The following MEIS1 variants were observed in gnomAD, a reference collection of about 807,000 sequenced individuals.
MEIS1 encodes the protein Meis homeobox 1.
A neutral mutation model predicts 50.8 loss-of-function variants in MEIS1; 5 were observed. The observed-to-expected ratio is 0.10, with a 90% CI of 0.05 to 0.21. MEIS1 has a LOEUF of 0.21. Ranked by LOEUF, MEIS1 falls within the 10% of genes least tolerant of loss-of-function variation. The pLI is 1.00. For missense variants in MEIS1, 318 were observed against 517.3 expected (o/e 0.61, Z 3.74); for synonymous variants, 176 against 179.3 (o/e 0.98, Z 0.15).
intron 8 of MEIS1, among the ~76,000 whole-genome samples, chr2:66,523,524 A>G (rs1197351774): frequency 6.6e-6 from 1 of 152,270 alleles, no homozygotes; most frequent in African/African-American, 2.4e-5. Context: ...TGTTCCCACA[A>G]GGAAACATCT....
At chr2:66,463,300 T>A (rs142357360) in intron 6 of MEIS1, among the ~76,000 whole-genome samples, 1 of 152,194 alleles carries the variant, frequency 6.6e-6, no homozygotes, top group African/African-American at 2.4e-5. Flanking sequence ...CTGTGCAGGA[T>A]GACCAGTGAC....
intron 8 of MEIS1, among the ~76,000 whole-genome samples, chr2:66,540,904 G>T (rs563674071): frequency 5.9e-5 from 9 of 151,950 alleles, no homozygotes; most frequent in African/African-American, 2.2e-4. Context: ...AAAGGACTAT[G>T]CAGTTTCTTA....
chr2:66,436,949 T>A, intron 1 of MEIS1: 2 of 984,714 alleles, frequency 2.0e-6, no homozygotes, highest in Non-Finnish European at 2.4e-6. Context: ...ACCTGGTGAG[T>A]AACATTTGCC....
chr2:66,554,636 C>G (rs938097849), intron 9 of MEIS1, among the ~76,000 whole-genome samples: 2 of 152,170 alleles, frequency 1.3e-5, no homozygotes, highest in Non-Finnish European at 2.9e-5. Context: ...TTAAAATGGA[C>G]AAGTAGGACG....
At chr2:66,437,594 A>C (rs1181972371) in intron 1 of MEIS1, 143 bp from the exon 2 acceptor site, 1 of 677,482 alleles carries the variant, frequency 1.5e-6, no homozygotes, top group Non-Finnish European at 2.6e-6. Context: ...AATAAGAAAA[A>C]CTCAGCTTTA....
rs536236856 is a variant in MEIS1, at chr2:66,447,009, GC to G, written c.630+3962del. ...ACAGAAAACGCCCTCCTCCGAAGAA[GC>G]GGGGGAAATTCTTGCAAGGGAGATT... is the stretch of plus-strand genomic sequence containing the variant. On this transcript the variant is annotated intron_variant, in intron 6 of 12. Coordinates refer to ENST00000272369, the MANE Select transcript of MEIS1 (RefSeq NM_002398.3). 3.3e-5 allele frequency among the ~76,000 whole-genome samples: 5 copies of G among 152,350 alleles called. No individual in the cohort carries two copies. The East Asian group carries it at 9.6e-4, about 29-fold the overall frequency.
At chr2:66,546,016 C>T (rs189645029) in intron 8 of MEIS1, among the ~76,000 whole-genome samples, 1 of 152,198 alleles carries the variant, frequency 6.6e-6, no homozygotes, top group East Asian at 1.9e-4. Flanking sequence ...TCTGTTATGT[C>T]CCAGTCTGGG....
chr2:66,446,225 GGGT>G (rs1672141686), intron 6 of MEIS1, among the ~76,000 whole-genome samples: 1 of 152,198 alleles, frequency 6.6e-6, no homozygotes, highest in Non-Finnish European at 1.5e-5. Flanking sequence ...AGGGGCCCTT[GGGT>G]GGATTAGGGG....
intron 8 of MEIS1, among the ~76,000 whole-genome samples, chr2:66,515,027 T>C (rs918456432): frequency 1.3e-5 from 2 of 152,210 alleles, no homozygotes; most frequent in Non-Finnish European, 2.9e-5. Context: ...TTTCAAGTTC[T>C]GGGAGGTCTT....
In MEIS1 at chr2:66,439,892, G is replaced by A. The variant is rs1469607061; in HGVS notation, c.289G>A (p.Ala97Thr). 1.2e-6 allele frequency: 2 copies of A among 1,613,724 alleles called. No homozygotes were observed. Among genetic ancestry groups the A allele is most frequent in the African/African-American group, 1.3e-5 (1 of 74,984 alleles). ...ACTGATTTTTGAGAAATGTGAATTA[G>A]CTACTTGTACCCCCCGCGAGCCGGG... ...LALIFEKCEL[A>T]TCTPREPGVA... Residue 97 changes from alanine (A) to threonine (T), a missense_variant, in exon 3 of 13, where the codon GCT (alanine) becomes ACT (threonine). Ala to Thr is a moderately conservative substitution (Grantham distance 58, BLOSUM62 0). Coordinates refer to ENST00000272369, the MANE Select transcript of MEIS1 (RefSeq NM_002398.3).
At chr2:66,473,807 G>A (rs550513837) in intron 7 of MEIS1, among the ~76,000 whole-genome samples, 7 of 152,038 alleles carry the variant, frequency 4.6e-5, no homozygotes, top group Non-Finnish European at 1.0e-4. Context: ...ATGGGTTTGG[G>A]GATGTATAGC....
chr2:66,444,860 G>A (rs150224170), intron 6 of MEIS1, among the ~76,000 whole-genome samples: 29 of 152,292 alleles, frequency 1.9e-4, no homozygotes, highest in Non-Finnish European at 4.0e-4. Flanking sequence ...TACAAGAATC[G>A]CTTAGGGGCA....
chr2:66,472,805 C>T (rs1424552790), intron 7 of MEIS1, among the ~76,000 whole-genome samples: 1 of 152,164 alleles, frequency 6.6e-6, no homozygotes, highest in African/African-American at 2.4e-5. Flanking sequence ...TCCTTCCACA[C>T]TGCCATGAGC....
chr2:66,553,574 G>A (rs1303200790), intron 9 of MEIS1, among the ~76,000 whole-genome samples: 1 of 152,238 alleles, frequency 6.6e-6, no homozygotes, highest in Non-Finnish European at 1.5e-5. Flanking sequence ...CAGACAGGCA[G>A]GGTATTATTA....
chr2:66,554,147 A>G (rs974328176), intron 9 of MEIS1, among the ~76,000 whole-genome samples: 7 of 152,324 alleles, frequency 4.6e-5, no homozygotes, highest in Non-Finnish European at 8.8e-5. Context: ...TGAGGCTCAG[A>G]GTTGAGTGAG....
In MEIS1 at chr2:66,456,235, T is replaced by TACACACAC. The variant is rs3220293; in HGVS notation, c.631-7855_631-7848dup. On this transcript the variant is annotated intron_variant, in intron 6 of 12. Coordinates refer to ENST00000272369, the MANE Select transcript of MEIS1 (RefSeq NM_002398.3). The stretch of plus-strand genomic sequence containing the variant: ...CACAGTGACTATCATATGATTTTTA[T>TACACACAC]ACACACACACACACACACACACACA... 6.5e-3 allele frequency among the ~76,000 whole-genome samples: 960 copies of TACACACAC among 147,582 alleles called. 7 individuals are homozygous for TACACACAC. Among genetic ancestry groups the TACACACAC allele is most frequent in the African/African-American group, 0.017 (655 of 39,300 alleles).
At chr2:66,472,665 A>G (rs1396612401) in intron 7 of MEIS1, among the ~76,000 whole-genome samples, 1 of 152,184 alleles carries the variant, frequency 6.6e-6, no homozygotes, top group Admixed American at 6.5e-5. Context: ...TGGATGAAAC[A>G]CAGCGTGGTG....
intron 7 of MEIS1, among the ~76,000 whole-genome samples, chr2:66,475,071 C>G (rs563988561): frequency 6.6e-6 from 1 of 150,684 alleles, no homozygotes; most frequent in South Asian, 2.1e-4. Context: ...CACCTTGACA[C>G]CCTTTTATAC....
chr2:66,567,271 G>T (rs1255358029), intron 9 of MEIS1, among the ~76,000 whole-genome samples, 182 bp from the exon 10 acceptor site: 2 of 152,128 alleles, frequency 1.3e-5, no homozygotes, highest in African/African-American at 4.8e-5. Context: ...TGTACTCAAA[G>T]GTCACTGGGG....
Sources: allele counts gnomAD v4.1 joint callset (sites outside exome capture counted in the v4.1 genomes callset), GRCh38; gene constraint gnomAD v4.1.1; transcripts MANE v1.5; gene names NCBI Gene and HGNC (gene_info 2026-07-23, HGNC 2026-07-21).